The following EFNA5 variants were observed in gnomAD, a reference collection of about 807,000 sequenced individuals.
EFNA5 encodes the protein ephrin-A5.
In EFNA5, 5 loss-of-function variants were observed where a neutral mutation model predicts 22.9. The observed-to-expected ratio is 0.22, with a 90% CI of 0.11 to 0.46. The LOEUF (loss-of-function observed/expected upper bound fraction) is 0.46, where lower values mean the gene tolerates loss of function less well. Ranked by LOEUF, EFNA5 falls within the 20% of genes least tolerant of loss-of-function variation. EFNA5 has a pLI of 0.99. For synonymous variants in EFNA5, 113 were observed against 112.2 expected, an observed-to-expected ratio of 1.01 and a Z score of -0.04; for missense variants, 237 against 293.3, an observed-to-expected ratio of 0.81 and a Z score of 1.40.
chr5:107,565,738 G>A (rs1748652349), intron 1 of EFNA5, among the ~76,000 whole-genome samples: 1 of 152,074 alleles, frequency 6.6e-6, no homozygotes. Context: ...ACGTGTTAAG[G>A]GGGCATAAAT....
intron 2 of EFNA5, among the ~76,000 whole-genome samples, chr5:107,391,136 C>T (rs996044981): frequency 7.2e-5 from 11 of 152,294 alleles, no homozygotes; most frequent in African/African-American, 2.6e-4. Flanking sequence ...TCCAGCTTAG[C>T]AACAGAGCTA....
intron 2 of EFNA5, among the ~76,000 whole-genome samples, chr5:107,397,900 A>G (rs2112384870): frequency 6.6e-6 from 1 of 152,298 alleles, no homozygotes; most frequent in Non-Finnish European, 1.5e-5. Context: ...ACTAAATTCT[A>G]GTTTACTCTG....
chr5:107,632,614 C>G (rs1750279902), intron 1 of EFNA5, among the ~76,000 whole-genome samples: 1 of 152,144 alleles, frequency 6.6e-6, no homozygotes, highest in South Asian at 2.1e-4. Context: ...AACATCCTTT[C>G]AGTAACCAAG....
intron 1 of EFNA5, among the ~76,000 whole-genome samples, chr5:107,432,078 G>A (rs1748977890): frequency 6.6e-6 from 1 of 152,186 alleles, no homozygotes; most frequent in African/African-American, 2.4e-5. Flanking sequence ...TCTTCTAGCA[G>A]AGCATTGCAA....
chr5:107,638,728 T>C (rs546363534), intron 1 of EFNA5, among the ~76,000 whole-genome samples: 8 of 152,312 alleles, frequency 5.3e-5, no homozygotes, highest in Admixed American at 3.3e-4. Context: ...TTGGTATCCA[T>C]AGAGTTTCTG....
intron 1 of EFNA5, among the ~76,000 whole-genome samples, chr5:107,482,027 T>C (rs1750480006): frequency 6.6e-6 from 1 of 151,688 alleles, no homozygotes; most frequent in Admixed American, 6.6e-5. Flanking sequence ...AAATAAATGC[T>C]GGCTGGGCGT....
At chr5:107,628,559 G>C (rs1173454660) in intron 1 of EFNA5, among the ~76,000 whole-genome samples, 3 of 152,060 alleles carry the variant, frequency 2.0e-5, no homozygotes, top group African/African-American at 7.2e-5. Flanking sequence ...CTATAAGCTA[G>C]ACATAGTCTA....
chr5:107,419,241 C>A (rs1748590452), intron 2 of EFNA5, among the ~76,000 whole-genome samples: 1 of 152,192 alleles, frequency 6.6e-6, no homozygotes, highest in African/African-American at 2.4e-5. Context: ...CTTTCATGTT[C>A]TTTATTTAAC....
intron 1 of EFNA5, among the ~76,000 whole-genome samples, chr5:107,501,636 A>C (rs1449573248): frequency 2.0e-5 from 3 of 152,260 alleles, no homozygotes; most frequent in African/African-American, 4.8e-5. Flanking sequence ...TGAAAAACTT[A>C]AAACTGTAAT....
intron 1 of EFNA5, among the ~76,000 whole-genome samples, chr5:107,519,476 A>T (rs1747550968): frequency 6.6e-6 from 1 of 152,192 alleles, no homozygotes. Context: ...TTCTCACTTA[A>T]TCCATTTCAT....
intron 1 of EFNA5, among the ~76,000 whole-genome samples, chr5:107,658,256 C>T (rs533190442): frequency 1.6e-4 from 25 of 152,256 alleles, no homozygotes; most frequent in African/African-American, 4.6e-4. Context: ...TCTGTTTCTG[C>T]GGTGTAATTC....
rs1203440928 is a variant in EFNA5 at position 107,592,029 on chromosome 5, T to A, written c.125+78460A>T. 8.9e-5 allele frequency among the ~76,000 whole-genome samples: 7 copies of A among 78,762 alleles called. 1 individual carries two copies. The highest frequency in any genetic ancestry group is 3.5e-4 in the African/African-American group (5 of 14,156). 51.7% of individuals were successfully genotyped at this position (78,762 alleles called of 152,430 possible). A position where few individuals can be genotyped will look rare whatever the true frequency, so the allele number is the denominator to read the frequency against. ...ATAATATATATAATATAATATATAT[T>A]ATATATTATATATATTATACATTAA... On this transcript the variant is annotated intron_variant, in intron 1 of 4. Coordinates refer to ENST00000333274, the MANE Select transcript of EFNA5 (RefSeq NM_001962.3).
intron 1 of EFNA5, among the ~76,000 whole-genome samples, chr5:107,470,642 C>T (rs1038302314): frequency 6.6e-6 from 1 of 152,164 alleles, no homozygotes; most frequent in Non-Finnish European, 1.5e-5. Flanking sequence ...TTCGGCACTC[C>T]TTCAACAATT....
intron 1 of EFNA5, among the ~76,000 whole-genome samples, chr5:107,591,950 TAATATATAA>T (rs1449929333): frequency 0.11 from 1,842 of 16,146 alleles, 118 homozygotes; most frequent in Admixed American, 0.13. Flanking sequence ...ATATTATATA[TAATATATAA>T]TATATATAAT....
intron 1 of EFNA5, among the ~76,000 whole-genome samples, chr5:107,587,561 G>A (rs1749215883): frequency 6.6e-6 from 1 of 152,180 alleles, no homozygotes. Flanking sequence ...CTGTTGCCCA[G>A]GCTGGAGTAC....
intron 1 of EFNA5, among the ~76,000 whole-genome samples, chr5:107,438,130 A>G (rs1749165106): frequency 6.6e-6 from 1 of 152,232 alleles, no homozygotes; most frequent in Non-Finnish European, 1.5e-5. Context: ...GCTGCTCTGT[A>G]ATCGTCAGAC....
At chr5:107,440,320 A>G (rs889056750) in intron 1 of EFNA5, among the ~76,000 whole-genome samples, 8 of 152,202 alleles carry the variant, frequency 5.3e-5, no homozygotes, top group African/African-American at 1.9e-4. Context: ...TGTCTATCTC[A>G]ATGACAGAGA....
In EFNA5 at chr5:107,570,460, C is replaced by T. The variant is rs557766156; in HGVS notation, c.125+100029G>A. Among the ~76,000 whole-genome samples, 6 of 152,318 alleles carry T rather than the reference C, an allele frequency of 3.9e-5. No homozygotes were observed. The South Asian group carries it at 1.2e-3, about 32-fold the overall frequency. Reference sequence around the variant, plus strand: ...AACTATTCAGAGGGAAGTAGCAATGCCTTTCATGTAATCATCTTAATCCCT... The same window carrying T: ...AACTATTCAGAGGGAAGTAGCAATGTCTTTCATGTAATCATCTTAATCCCT... On this transcript the variant is annotated intron_variant, in intron 1 of 4. Coordinates refer to ENST00000333274, the MANE Select transcript of EFNA5 (RefSeq NM_001962.3).
At chr5:107,608,406 C>T (rs1014669194) in intron 1 of EFNA5, among the ~76,000 whole-genome samples, 1 of 152,226 alleles carries the variant, frequency 6.6e-6, no homozygotes, top group Non-Finnish European at 1.5e-5. Context: ...AAATGTTAAG[C>T]CTCATTCATC....
Sources: gnomAD v4.1 joint callset for allele counts (sites outside exome capture counted in the v4.1 genomes callset) on GRCh38, gnomAD v4.1.1 for gene constraint, MANE v1.5 for transcripts, NCBI Gene and HGNC (gene_info 2026-07-23, HGNC 2026-07-21) for gene names.